The following GMDS variants were observed in gnomAD, a reference collection of about 807,000 sequenced individuals.
The protein encoded by GMDS is GDP-mannose 4,6 dehydratase.
A neutral mutation model predicts 49.9 loss-of-function variants in GMDS; 20 were observed. That is an observed-to-expected ratio of 0.40 (90% CI 0.28 to 0.58). GMDS has a LOEUF of 0.58. Ranked by LOEUF, GMDS falls within the 20% of genes least tolerant of loss-of-function variation. The pLI is 0.42. For synonymous variants in GMDS, 177 were observed against 178.6 expected, an observed-to-expected ratio of 0.99 and a Z score of 0.07; for missense variants, 362 against 481.4, an observed-to-expected ratio of 0.75 and a Z score of 2.32.
At chr6:2,187,519 A>G (rs973697814) in intron 1 of GMDS, among the ~76,000 whole-genome samples, 5 of 152,232 alleles carry the variant, frequency 3.3e-5, no homozygotes. Flanking sequence ...GAAAAAATTT[A>G]CATTGAGAGA....
chr6:1,668,454 A>G (rs2113271908), intron 9 of GMDS, among the ~76,000 whole-genome samples: 1 of 152,362 alleles, frequency 6.6e-6, no homozygotes, highest in South Asian at 2.1e-4. Context: ...TCATGCCTGT[A>G]ATCCCAGCAC....
chr6:1,762,119 CT>C (rs1431596711), intron 7 of GMDS, among the ~76,000 whole-genome samples: 1 of 152,212 alleles, frequency 6.6e-6, no homozygotes, highest in Non-Finnish European at 1.5e-5. Context: ...TAAGTTATGC[CT>C]TTCAGCATCA....
chr6:2,198,092 G>A (rs1779352291), intron 1 of GMDS, among the ~76,000 whole-genome samples: 1 of 152,180 alleles, frequency 6.6e-6, no homozygotes, highest in Non-Finnish European at 1.5e-5. Context: ...AACGAATGAT[G>A]GGAAAGTGTG....
rs1354682767 is a variant in GMDS, at chr6:1,889,266, C to T, written c.771+40837G>A. Among the ~76,000 whole-genome samples the T allele has an allele frequency of 2.6e-5, 4 of 152,168 alleles. No individual in the cohort carries two copies. In the East Asian group the frequency reaches 5.8e-4, roughly 22 times the overall value. On this transcript the variant is annotated intron_variant, in intron 7 of 10. Coordinates refer to ENST00000380815, the MANE Select transcript of GMDS (RefSeq NM_001500.4). ...CTCCCAAACATCAAACTCAGTGGCT[C>T]GTTGAGTCATTCCATAGCATTTCCC... is the stretch of plus-strand genomic sequence containing the variant.
chr6:1,933,212 A>G (rs751500832), intron 6 of GMDS, among the ~76,000 whole-genome samples: 1 of 152,168 alleles, frequency 6.6e-6, no homozygotes, highest in Non-Finnish European at 1.5e-5. Context: ...GAATCAGTAC[A>G]TTGTTCCTTT....
chr6:2,005,464 A>C (rs1424083007), intron 4 of GMDS, among the ~76,000 whole-genome samples: 1 of 152,160 alleles, frequency 6.6e-6, no homozygotes, highest in Admixed American at 6.5e-5. Context: ...GTTGCATCCT[A>C]AATCAACTGG....
Position 2,207,156 on chromosome 6 carries a change from A to G in GMDS, c.102+38165T>C, listed in dbSNP as rs368284952. Among the ~76,000 whole-genome samples the G allele has an allele frequency of 6.2e-3, 940 of 151,858 alleles. 14 individuals carry two copies. The highest frequency in any genetic ancestry group is 0.021 in the African/African-American group (882 of 41,158). On this transcript the variant is annotated intron_variant, in intron 1 of 10. Coordinates refer to ENST00000380815, the MANE Select transcript of GMDS (RefSeq NM_001500.4). The stretch of plus-strand genomic sequence containing the variant: ...AAGAACTGCTGATTACGGGGTCAAC[A>G]ATAATCAATGACCTAGGTAGCCTCC...
chr6:1,944,907 C>T (rs1039026573), intron 6 of GMDS, among the ~76,000 whole-genome samples: 5 of 152,160 alleles, frequency 3.3e-5, no homozygotes, highest in African/African-American at 1.2e-4. Context: ...TTATTCTCTT[C>T]TGTCACAGAA....
intron 7 of GMDS, among the ~76,000 whole-genome samples, chr6:1,847,565 C>A (rs1581251691): frequency 6.6e-6 from 1 of 152,338 alleles, no homozygotes; most frequent in South Asian, 2.1e-4. Context: ...TTACTAATCT[C>A]TCCACACCAA....
intron 1 of GMDS, among the ~76,000 whole-genome samples, chr6:2,230,116 T>C (rs1025563987): frequency 1.3e-5 from 2 of 152,204 alleles, no homozygotes; most frequent in Non-Finnish European, 2.9e-5. Context: ...GAGTCCACAG[T>C]TGACTTCCTC....
rs78295889 is a variant in GMDS at position 2,077,221 on chromosome 6, G to A, written c.345+38550C>T. Among the ~76,000 whole-genome samples, 843 of 152,086 alleles carry A rather than the reference G, an allele frequency of 5.5e-3. 10 individuals are homozygous for A. The highest frequency in any genetic ancestry group is 0.019 in the East Asian group (96 of 5,178). On this transcript the variant is annotated intron_variant, in intron 4 of 10. Coordinates refer to ENST00000380815, the MANE Select transcript of GMDS (RefSeq NM_001500.4). ...TCTTGTTTTTTTCTAATAAGATCAC[G>A]TCATCTCAAAGGTAAACAGTCTGAC...
intron 7 of GMDS, among the ~76,000 whole-genome samples, chr6:1,823,426 A>G (rs902549955): frequency 2.0e-5 from 3 of 152,218 alleles, no homozygotes; most frequent in African/African-American, 2.4e-5. Flanking sequence ...CATCAAGTCT[A>G]AAGTTTTTCA....
At chr6:1,907,845 T>C (rs553840325) in intron 7 of GMDS, among the ~76,000 whole-genome samples, 4 of 152,336 alleles carry the variant, frequency 2.6e-5, no homozygotes, top group South Asian at 2.1e-4. Flanking sequence ...TTCTCCCCTC[T>C]TATCTGTGGG....
At chr6:1,721,182 G>A (rs539628678) in intron 9 of GMDS, among the ~76,000 whole-genome samples, 67 of 152,214 alleles carry the variant, frequency 4.4e-4, no homozygotes, top group Non-Finnish European at 8.8e-4. Flanking sequence ...ATTAGGAAAA[G>A]TTTGCGGGGG....
intron 9 of GMDS, among the ~76,000 whole-genome samples, chr6:1,663,872 C>T (rs1339038293): frequency 6.6e-6 from 1 of 152,118 alleles, no homozygotes; most frequent in Non-Finnish European, 1.5e-5. Flanking sequence ...ATGTTATTAA[C>T]ATGTTTGTGG....
At chr6:2,123,333 A>G (rs1775244953) in intron 2 of GMDS, among the ~76,000 whole-genome samples, 1 of 152,168 alleles carries the variant, frequency 6.6e-6, no homozygotes, top group Non-Finnish European at 1.5e-5. Flanking sequence ...GGATCGCAAC[A>G]CTTGCGTGGT....
At position 1,757,202 on chromosome 6, in the gene GMDS, C is replaced by G. The variant is rs1291580677; in HGVS notation, c.772-14616G>C. Among the ~76,000 whole-genome samples, 5 of 152,234 alleles carry G rather than the reference C, an allele frequency of 3.3e-5. No individual in the cohort carries two copies. In the East Asian group the frequency reaches 7.7e-4, roughly 23 times the overall value. On this transcript the variant is annotated intron_variant, in intron 7 of 10. Coordinates refer to ENST00000380815, the MANE Select transcript of GMDS (RefSeq NM_001500.4). ...GTGCAGTGACAGGTTTAAATGAGGG[C>G]AAAAATAACTCACGACGCATACACC...
chr6:2,090,542 G>A (rs1470354295), intron 4 of GMDS, among the ~76,000 whole-genome samples: 4 of 152,198 alleles, frequency 2.6e-5, no homozygotes, highest in Non-Finnish European at 2.9e-5. Context: ...AACAGAAATA[G>A]ATTTTTTAAA....
intron 1 of GMDS, among the ~76,000 whole-genome samples, chr6:2,165,162 C>T (rs1265905614): frequency 6.6e-6 from 1 of 152,194 alleles, no homozygotes; most frequent in African/African-American, 2.4e-5. Context: ...AACTCTGCTC[C>T]TCTAGAACCA....
Sources: gnomAD v4.1 joint callset for allele counts (sites outside exome capture counted in the v4.1 genomes callset) on GRCh38, gnomAD v4.1.1 for gene constraint, MANE v1.5 for transcripts, NCBI Gene and HGNC (gene_info 2026-07-23, HGNC 2026-07-21) for gene names.